Variants in SYTL2 observed in about 807,000 individuals in gnomAD.
The protein encoded by SYTL2 is synaptotagmin like 2, also known as synaptotagmin-like protein 2.
Under a neutral mutation model 198.7 loss-of-function variants are expected in SYTL2, and 165 were observed. That is an observed-to-expected ratio of 0.83 (90% CI 0.73 to 0.94). SYTL2 has a LOEUF of 0.94. SYTL2 is among the 40% of genes least tolerant of loss of function. SYTL2 has a pLI of 0.00. For synonymous variants in SYTL2, 966 were observed against 917.7 expected (o/e 1.05, Z -0.95); for missense variants, 2,835 against 2,582.8 (o/e 1.10, Z -2.12).
intron 1 of SYTL2, among the ~76,000 whole-genome samples, chr11:85,768,354 A>G (rs543579975): frequency 1.3e-5 from 2 of 152,346 alleles, no homozygotes; most frequent in Admixed American, 6.5e-5. Flanking sequence ...TGGAGTCAAA[A>G]GATAATTGAA....
the SYTL2 span, among the ~76,000 whole-genome samples, chr11:85,844,315 A>C: frequency 6.6e-6 from 1 of 152,212 alleles, no homozygotes; most frequent in African/African-American, 2.4e-5. Flanking sequence ...AACCATATGA[A>C]GCGTGTAGGG....
intron 1 of SYTL2, among the ~76,000 whole-genome samples, chr11:85,785,206 G>A (rs1477669780): frequency 6.6e-6 from 1 of 152,134 alleles, no homozygotes; most frequent in Non-Finnish European, 1.5e-5. Context: ...TCCCCTCTGT[G>A]GAATTCAGTC....
In SYTL2 at chr11:85,756,262, C is replaced by A. The variant is rs550802144; in HGVS notation, c.101+1363G>T. Reference sequence around the variant, plus strand: ...GACACTGTTTAAGGCACACCATTTGCGGAGAAGGCACAGCAGAGCCCCATC... The same window carrying A: ...GACACTGTTTAAGGCACACCATTTGAGGAGAAGGCACAGCAGAGCCCCATC... On this transcript the variant is annotated intron_variant, in intron 2 of 19. Transcript: ENST00000359152. Among the ~76,000 whole-genome samples, 17 of 152,304 alleles carry A rather than the reference C, an allele frequency of 1.1e-4. 1 individual carries two copies. In the Middle Eastern group the frequency reaches 0.014, roughly 122 times the overall value.
the SYTL2 span, among the ~76,000 whole-genome samples, chr11:85,824,278 T>C: frequency 6.6e-6 from 1 of 152,084 alleles, no homozygotes; most frequent in African/African-American, 2.4e-5. Context: ...GGTCTGAAGG[T>C]CCACGGCAAA....
In SYTL2 at chr11:85,711,190, G is replaced by A; in HGVS notation, c.5668C>T (p.Gln1890Ter). ...ETDTASESSYQLSRHKKSPSS... is the reference protein window; with the variant it reads ...ETDTASESSY ...GGGCTCTTCTTGTGTCTGCTGAGCT[G>A]GTAACTGCTTTCTGATGCTGTATCT... The change falls in exon 13 of 20, where the codon CAG (glutamine) becomes TAG (stop). Residue 1890 changes from glutamine to a stop codon, truncating the protein, a stop_gained. Coordinates refer to ENST00000359152, the MANE Select transcript of SYTL2 (RefSeq NM_206927.4). LOFTEE classifies it high-confidence loss of function. 1 of 1,613,964 alleles carries A rather than the reference G, an allele frequency of 6.2e-7. No homozygotes were observed. The highest frequency in any genetic ancestry group is 2.2e-5 in the East Asian group (1 of 44,862).
Position 85,725,042 on chromosome 11 carries a change from A to G in SYTL2, c.4316T>C (p.Val1439Ala). Residue 1439 changes from valine (V) to alanine (A), a missense_variant, in exon 8 of 20, where the codon GTT becomes GCT. Val to Ala is a moderately conservative substitution (Grantham distance 64). Transcript: ENST00000359152. ...TCCAACTTCATGAGTTTTATCAGGA[A>G]CTACATTGGAGGAATAAAAATCCTT... ...DRKDFYSSNVVPDKTHEVGSY... is the reference protein window; with the variant it reads ...DRKDFYSSNVAPDKTHEVGSY... 1 of 1,614,202 alleles carries G rather than the reference A, an allele frequency of 6.2e-7. No homozygotes were observed. The highest frequency in any genetic ancestry group is 8.5e-7 in the Non-Finnish European group (1 of 1,180,018).
rs150319359 is a variant in SYTL2 at position 85,781,454 on chromosome 11, C to T, written c.-389-23340G>A. ...AAACCATATCATTCTGCCCTGGCCC[C>T]TCCAAAATCTCATGTCCTCACATTT... On this transcript the variant is annotated intron_variant, in intron 1 of 19. Transcript: ENST00000359152. Among the ~76,000 whole-genome samples, 615 of 152,196 alleles carry T rather than the reference C, an allele frequency of 4.0e-3. 6 individuals are homozygous for T. Among genetic ancestry groups the T allele is most frequent in the African/African-American group, 0.014 (586 of 41,532 alleles).
chr11:85,779,937 T>C (rs2092529238), intron 1 of SYTL2, among the ~76,000 whole-genome samples: 1 of 152,228 alleles, frequency 6.6e-6, no homozygotes, highest in African/African-American at 2.4e-5. Flanking sequence ...AGTCTCTCTC[T>C]CTTGCTATGT....
intron 2 of SYTL2, among the ~76,000 whole-genome samples, chr11:85,750,668 T>C (rs1410013835): frequency 2.0e-5 from 3 of 152,278 alleles, no homozygotes; most frequent in East Asian, 3.9e-4. Flanking sequence ...CCAATAACTG[T>C]CTGTTGAGTG....
chr11:85,847,079 T>C, the SYTL2 span, among the ~76,000 whole-genome samples: 2 of 152,218 alleles, frequency 1.3e-5, no homozygotes, highest in African/African-American at 2.4e-5. Context: ...ACAATTTATA[T>C]ACAATAAAAT....
intron 6 of SYTL2, 151 bp downstream of exon 6, chr11:85,736,350 G>A (rs1329812842): frequency 1.2e-5 from 6 of 516,960 alleles, no homozygotes; most frequent in Non-Finnish European, 2.0e-5. Flanking sequence ...TCTCCCTCAG[G>A]AAGGAAACCA....
chr11:85,708,652 A>C (rs2153415009), intron 14 of SYTL2, among the ~76,000 whole-genome samples: 1 of 152,134 alleles, frequency 6.6e-6, no homozygotes, highest in Non-Finnish European at 1.5e-5. Context: ...TTTTGTAAAA[A>C]GTTTGAGAGT....
chr11:85,825,143 A>G, the SYTL2 span, among the ~76,000 whole-genome samples: 1 of 152,146 alleles, frequency 6.6e-6, no homozygotes, highest in Non-Finnish European at 1.5e-5. Flanking sequence ...AAGGACCATG[A>G]GTTGGGAGGC....
Position 85,724,785 on chromosome 11 carries a change from G to C in SYTL2, c.4573C>G (p.Pro1525Ala). The change falls in exon 8 of 20, where the codon CCA becomes GCA. Residue 1525 changes from proline (P) to alanine (A), a missense_variant. By Grantham distance (27) the Pro-to-Ala change is conservative (BLOSUM62 -1). Coordinates refer to ENST00000359152, the MANE Select transcript of SYTL2 (RefSeq NM_206927.4). The part of the protein sequence containing the change: ...KYESDTGNLS[P>A]SKLIGSTEEP... ...TCTGTACTACCTATTAACTTTGATG[G>C]AGAAAGATTCCCTGTATCACTTTCA... The C allele has an allele frequency of 6.2e-7, 1 of 1,612,982 alleles. No individual in the cohort carries two copies. The highest frequency in any genetic ancestry group is 1.1e-5 in the South Asian group (1 of 90,838).
intron 12 of SYTL2, among the ~76,000 whole-genome samples, chr11:85,711,440 A>G (rs1048010908): frequency 1.3e-4 from 20 of 152,196 alleles, no homozygotes; most frequent in African/African-American, 4.3e-4. Context: ...GTGCTTAGCT[A>G]CCAAAATAAC....
At chr11:85,763,667 C>CTT (rs1022589838) in intron 1 of SYTL2, among the ~76,000 whole-genome samples, 1 of 151,662 alleles carries the variant, frequency 6.6e-6, no homozygotes, top group East Asian at 1.9e-4. Flanking sequence ...GGCAAATTGT[C>CTT]CTGACAGTCC....
At chr11:85,793,804 T>C (rs890611678) in intron 1 of SYTL2, among the ~76,000 whole-genome samples, 2 of 152,246 alleles carry the variant, frequency 1.3e-5, no homozygotes, top group African/African-American at 4.8e-5. Context: ...TTGGAGAATC[T>C]GTAGCTTTAA....
At chr11:85,839,266 G>A in the SYTL2 span, among the ~76,000 whole-genome samples, 3,088 of 152,094 alleles carry the variant, frequency 0.02, 99 homozygotes, top group African/African-American at 0.071. Flanking sequence ...CTATCAAATA[G>A]CAAGTCTTAT....
At chr11:85,763,399 A>C (rs1172470887) in intron 1 of SYTL2, among the ~76,000 whole-genome samples, 6 of 152,334 alleles carry the variant, frequency 3.9e-5, no homozygotes, top group Admixed American at 1.3e-4. Context: ...CTAAGGCCCC[A>C]CATAGTTGGT....
Sources: allele counts gnomAD v4.1 joint callset (sites outside exome capture counted in the v4.1 genomes callset), GRCh38; gene constraint gnomAD v4.1.1; transcripts MANE v1.5; gene names NCBI Gene and HGNC (gene_info 2026-07-23, HGNC 2026-07-21).